The following ATP2C1 variants were observed in gnomAD, a reference collection of about 807,000 sequenced individuals.
The protein encoded by ATP2C1 is calcium-transporting ATPase type 2C member 1.
A neutral mutation model predicts 120.5 loss-of-function variants in ATP2C1; 31 were observed. The ratio of observed to expected loss-of-function variants is 0.26; its 90% CI spans 0.19 to 0.35. The LOEUF (loss-of-function observed/expected upper bound fraction) is 0.35. Among genes scored for constraint, ATP2C1 ranks in the 10% least tolerant of loss-of-function variants. The probability of loss-of-function intolerance (pLI) is 1.00; values close to 1 mark genes in which losing one functional copy is unlikely to be tolerated. For missense variants in ATP2C1, 731 were observed against 1,107.5 expected, an observed-to-expected ratio of 0.66 and a Z score of 4.83; for synonymous variants, 351 against 358.7, an observed-to-expected ratio of 0.98 and a Z score of 0.24.
chr3:131,006,635 TTGTGTGTGTGTGTGTGTG>T (rs3073260), downstream of ATP2C1, among the ~76,000 whole-genome samples: 70 of 147,238 alleles, frequency 4.8e-4, no homozygotes, highest in South Asian at 1.3e-3. Flanking sequence ...TAGTGTGTGT[TTGTGTGTGTGTGTGTGTG>T]TGTGTGTGTG....
At chr3:131,001,131 G>A (rs1025806373) in intron 27 of ATP2C1, 89 bp from the exon 28 acceptor site, 20 of 619,060 alleles carry the variant, frequency 3.2e-5, no homozygotes, top group Non-Finnish European at 5.1e-5. Context: ...AAAAAAAGTT[G>A]TGTTAAAATG....
intron 2 of ATP2C1, among the ~76,000 whole-genome samples, chr3:130,898,569 T>TTA (rs2069847822): frequency 1.3e-5 from 2 of 152,144 alleles, no homozygotes; most frequent in South Asian, 4.1e-4. Flanking sequence ...CTAAAAGAGA[T>TTA]TATATATATG....
chr3:130,965,968 T>C (rs2061032226), intron 14 of ATP2C1, among the ~76,000 whole-genome samples: 1 of 152,186 alleles, frequency 6.6e-6, no homozygotes, highest in Non-Finnish European at 1.5e-5. Context: ...GTCTCTTAAG[T>C]GCACATCACT....
At chr3:130,946,979 C>T (rs2760273) in intron 8 of ATP2C1, among the ~76,000 whole-genome samples, 26,802 of 152,198 alleles carry the variant, frequency 0.18, 2,520 homozygotes, top group Middle Eastern at 0.24. Context: ...TCTCCATTGG[C>T]AGACACCAGC....
At chr3:130,943,654 A>T (rs145818609) in intron 8 of ATP2C1, among the ~76,000 whole-genome samples, 2 of 152,110 alleles carry the variant, frequency 1.3e-5, no homozygotes, top group African/African-American at 4.8e-5. Flanking sequence ...AGTTAGGTTG[A>T]TTTTGTTCTA....
intron 14 of ATP2C1, 72 bp from the exon 15 acceptor site, chr3:130,967,073 G>C: frequency 9.7e-7 from 1 of 1,025,812 alleles, no homozygotes; most frequent in South Asian, 1.3e-5. Context: ...TATAGTTTTT[G>C]GGTTTTATAG....
intron 2 of ATP2C1, among the ~76,000 whole-genome samples, chr3:130,921,436 T>TA (rs1228870435): frequency 6.6e-6 from 1 of 152,218 alleles, no homozygotes; most frequent in Non-Finnish European, 1.5e-5. Context: ...TTTTTTATTT[T>TA]ATTAAGCATT....
At chr3:130,921,085 T>C (rs914807219) in intron 2 of ATP2C1, among the ~76,000 whole-genome samples, 36 of 148,800 alleles carry the variant, frequency 2.4e-4, no homozygotes, top group Non-Finnish European at 3.1e-4. Flanking sequence ...CTTTCTTTTT[T>C]TTTTTTTTTT....
intron 8 of ATP2C1, among the ~76,000 whole-genome samples, chr3:130,942,514 A>G (rs959529406): frequency 2.6e-5 from 4 of 152,238 alleles, no homozygotes; most frequent in African/African-American, 9.6e-5. Flanking sequence ...CAGAGCAGTC[A>G]GTCTTTAAAT....
intron 21 of ATP2C1, 33 bp downstream of exon 21, chr3:130,993,034 T>C (rs1203158678): frequency 6.3e-7 from 1 of 1,581,092 alleles, no homozygotes; most frequent in South Asian, 1.1e-5. Context: ...GTTTTATTTC[T>C]GTATACAAAA....
At chr3:130,961,839 A>G (rs1559979105) in intron 12 of ATP2C1, among the ~76,000 whole-genome samples, 1 of 151,902 alleles carries the variant, frequency 6.6e-6, no homozygotes, top group African/African-American at 2.4e-5. Context: ...CAAAGAGCCA[A>G]ATAGAAGCAC....
chr3:130,901,068 T>G (rs540635697), intron 2 of ATP2C1, among the ~76,000 whole-genome samples: 1 of 152,196 alleles, frequency 6.6e-6, no homozygotes, highest in Non-Finnish European at 1.5e-5. Flanking sequence ...CAGTTCTACC[T>G]TCTTTTGAAG....
At position 130,898,418 on chromosome 3, in the gene ATP2C1, C is replaced by T. The variant is rs181378511; in HGVS notation, c.6+3643C>T. The stretch of plus-strand genomic sequence containing the variant: ...ATAGGGAAAAAGGGATGAGAAGCCA[C>T]CTTAATTTTATTCCTTTAACTGAAA... On this transcript the variant is annotated intron_variant, in intron 2 of 27. Coordinates refer to ENST00000510168, the MANE Select transcript of ATP2C1 (RefSeq NM_001378687.1). 3.9e-3 allele frequency among the ~76,000 whole-genome samples: 596 copies of T among 152,204 alleles called. 2 individuals are homozygous for T. Among genetic ancestry groups the T allele is most frequent in the Middle Eastern group, 0.014 (4 of 292 alleles).
At chr3:130,871,575 A>C (rs926101215) in intron 1 of ATP2C1, among the ~76,000 whole-genome samples, 1 of 152,252 alleles carries the variant, frequency 6.6e-6, no homozygotes, top group African/African-American at 2.4e-5. Flanking sequence ...AGGGCTTGTC[A>C]TACCTACTCA....
chr3:130,853,533 A>G (rs1178044477), intron 1 of ATP2C1, among the ~76,000 whole-genome samples: 3 of 152,136 alleles, frequency 2.0e-5, no homozygotes, highest in African/African-American at 7.2e-5. Flanking sequence ...GCACATTTAA[A>G]TGAACTCCCC....
At chr3:130,980,441 A>G (rs1410310993) in intron 19 of ATP2C1, 141 bp from the exon 20 acceptor site, 4 of 671,546 alleles carry the variant, frequency 6.0e-6, no homozygotes, top group South Asian at 1.6e-5. Context: ...TCCAGACTTA[A>G]TACTGATTCA....
rs765121689 is a variant in ATP2C1, at chr3:130,964,928, G to T, written c.1025-20G>T. ...TTCTCCTTGATTCTTTTGGTGACTT[G>T]TAATGATTTAATTCTTTAGGCTGCT... On this transcript the variant is annotated intron_variant, in intron 13 of 27. Transcript: ENST00000510168. 6.3e-7 allele frequency: 1 copy of T among 1,575,434 alleles called. No homozygotes were observed. The highest frequency in any genetic ancestry group is 2.3e-5 in the East Asian group (1 of 44,434).
At chr3:130,997,903 C>A in intron 25 of ATP2C1, 150 bp downstream of exon 25, 1 of 761,614 alleles carries the variant, frequency 1.3e-6, no homozygotes, top group Non-Finnish European at 2.2e-6. Flanking sequence ...AGTTTGATTT[C>A]CATCTTTATG....
In ATP2C1 at chr3:130,919,706, C is replaced by T. The variant is rs75589172; in HGVS notation, c.7-10710C>T. Among the ~76,000 whole-genome samples, 751 of 152,186 alleles carry T rather than the reference C, an allele frequency of 4.9e-3. 11 individuals carry two copies. The highest frequency in any genetic ancestry group is 0.017 in the African/African-American group (713 of 41,530). ...CTGATTTCATTCTTTTGGATAAATA[C>T]CCCAAAGTGGGACTTCTGGAATATA... On this transcript the variant is annotated intron_variant, in intron 2 of 27. Coordinates refer to ENST00000510168, the MANE Select transcript of ATP2C1 (RefSeq NM_001378687.1).
Sources: allele counts gnomAD v4.1 joint callset (sites outside exome capture counted in the v4.1 genomes callset), GRCh38; gene constraint gnomAD v4.1.1; transcripts MANE v1.5; gene names NCBI Gene and HGNC (gene_info 2026-07-23, HGNC 2026-07-21).